Variants in UBTD1 observed in about 807,000 individuals in gnomAD.
UBTD1 encodes ubiquitin domain-containing protein 1.
In UBTD1, 19 loss-of-function variants were observed where a neutral mutation model predicts 21.7. That is an observed-to-expected ratio of 0.87 (90% CI 0.61 to 1.28). The LOEUF is 1.28. Among genes scored for constraint, UBTD1 ranks in the 50% most tolerant of loss-of-function variants. The pLI is 0.00. For missense variants in UBTD1, 282 were observed against 315.1 expected (o/e 0.89, Z 0.80); for synonymous variants, 116 against 135.1 (o/e 0.86, Z 0.98).
intron 1 of UBTD1, among the ~76,000 whole-genome samples, chr10:97,555,926 GTC>G (rs1015858641): frequency 3.3e-5 from 5 of 152,042 alleles, no homozygotes; most frequent in African/African-American, 1.2e-4. Flanking sequence ...ATATGAGAGG[GTC>G]TCTCTCTTCC....
intron 1 of UBTD1, among the ~76,000 whole-genome samples, chr10:97,533,000 T>A (rs897774667): frequency 5.9e-5 from 9 of 152,168 alleles, no homozygotes; most frequent in African/African-American, 1.9e-4. Context: ...GGAGGAGTGC[T>A]TTGCATCCAC....
intron 1 of UBTD1, among the ~76,000 whole-genome samples, chr10:97,509,495 A>G (rs906156704): frequency 1.3e-5 from 2 of 152,186 alleles, no homozygotes; most frequent in Non-Finnish European, 2.9e-5. Flanking sequence ...TGTTCCACTG[A>G]TGACTTATAT....
At chr10:97,519,285 C>T (rs2040457243) in intron 1 of UBTD1, among the ~76,000 whole-genome samples, 1 of 152,216 alleles carries the variant, frequency 6.6e-6, no homozygotes, top group Non-Finnish European at 1.5e-5. Context: ...CTTGGAGTCC[C>T]CCTACCAGCA....
intron 1 of UBTD1, among the ~76,000 whole-genome samples, chr10:97,557,121 G>T (rs1390337811): frequency 6.6e-6 from 1 of 152,122 alleles, no homozygotes; most frequent in African/African-American, 2.4e-5. Flanking sequence ...CTCCTGTTAC[G>T]GTTCCAACAC....
chr10:97,517,278 A>T (rs1040909921), intron 1 of UBTD1, among the ~76,000 whole-genome samples: 8 of 151,854 alleles, frequency 5.3e-5, no homozygotes, highest in Non-Finnish European at 1.2e-4. Context: ...AAGGAGAGAG[A>T]TGGGCAGCTA....
chr10:97,537,897 C>T (rs1317680334), intron 1 of UBTD1, among the ~76,000 whole-genome samples: 4 of 150,998 alleles, frequency 2.6e-5, no homozygotes, highest in Non-Finnish European at 5.9e-5. Context: ...ATGATCTCAC[C>T]CCACTGCAAC....
At chr10:97,559,002 G>T (rs139435157) in intron 1 of UBTD1, among the ~76,000 whole-genome samples, 4,770 of 152,252 alleles carry the variant, frequency 0.031, 218 homozygotes, top group African/African-American at 0.099. Context: ...ATACCACCAC[G>T]CATCCGCTCG....
intron 1 of UBTD1, among the ~76,000 whole-genome samples, chr10:97,503,206 A>G (rs2040384958): frequency 6.6e-6 from 1 of 152,178 alleles, no homozygotes; most frequent in Non-Finnish European, 1.5e-5. Flanking sequence ...GTGAGCCGCC[A>G]CACCCAGCCT....
At chr10:97,558,586 A>G (rs1403691413) in intron 1 of UBTD1, among the ~76,000 whole-genome samples, 2 of 151,840 alleles carry the variant, frequency 1.3e-5, no homozygotes, top group Non-Finnish European at 2.9e-5. Flanking sequence ...TCTGACACAT[A>G]GAGTGTAAAG....
intron 1 of UBTD1, among the ~76,000 whole-genome samples, chr10:97,563,528 G>A (rs2040703256): frequency 6.6e-6 from 1 of 152,054 alleles, no homozygotes; most frequent in South Asian, 2.1e-4. Context: ...GAGAATGGGG[G>A]CAAGTATAAG....
intron 1 of UBTD1, among the ~76,000 whole-genome samples, chr10:97,519,868 G>A (rs1472754407): frequency 6.6e-6 from 1 of 152,090 alleles, no homozygotes; most frequent in South Asian, 2.1e-4. Flanking sequence ...CTGTCATTCT[G>A]TCTCCCACAG....
At chr10:97,564,171 G>A (rs1273204854) in intron 1 of UBTD1, among the ~76,000 whole-genome samples, 1 of 152,170 alleles carries the variant, frequency 6.6e-6, no homozygotes, top group Non-Finnish European at 1.5e-5. Context: ...GGAATCTGAA[G>A]TAGGCAAGAG....
At chr10:97,511,929 TTGAGACACTTGCTCA>T (rs940545180) in intron 1 of UBTD1, among the ~76,000 whole-genome samples, 15 of 152,134 alleles carry the variant, frequency 9.9e-5, no homozygotes, top group Non-Finnish European at 1.5e-5. Flanking sequence ...GGGGGGAGTG[TTGAGACACTTGCTCA>T]TGAGAGTGGA....
At chr10:97,536,125 T>C (rs983792276) in intron 1 of UBTD1, among the ~76,000 whole-genome samples, 26 of 151,898 alleles carry the variant, frequency 1.7e-4, no homozygotes, top group Admixed American at 2.6e-4. Context: ...CCCAAGTAGC[T>C]GGGATTACAG....
chr10:97,526,728 GTAGTCCCAGCTACTT>G (rs2040490180), intron 1 of UBTD1, among the ~76,000 whole-genome samples: 1 of 151,866 alleles, frequency 6.6e-6, no homozygotes, highest in Admixed American at 6.6e-5. Context: ...GCATGCACCG[GTAGTCCCAGCTACTT>G]GGGAGGCTGA....
intron 1 of UBTD1, among the ~76,000 whole-genome samples, chr10:97,540,374 C>T (rs937711675): frequency 6.6e-6 from 1 of 152,246 alleles, no homozygotes; most frequent in Admixed American, 6.5e-5. Flanking sequence ...ACCTACCAGT[C>T]CCCTGACACT....
In UBTD1 at chr10:97,537,202, G is replaced by A. The variant is rs116572410; in HGVS notation, c.71-30712G>A. Among the ~76,000 whole-genome samples the A allele has an allele frequency of 4.1e-3, 623 of 152,286 alleles. 9 individuals carry two copies. The highest frequency in any genetic ancestry group is 0.014 in the African/African-American group (590 of 41,552). On this transcript the variant is annotated intron_variant, in intron 1 of 2. Transcript: ENST00000370664. ...AACACAGTGGGTACGCAGGAATTGT[G>A]TGTTGAAATGAATCTAGGCCATGAC...
intron 1 of UBTD1, among the ~76,000 whole-genome samples, chr10:97,558,759 T>C (rs1261248880): frequency 2.6e-5 from 4 of 152,220 alleles, no homozygotes; most frequent in Admixed American, 2.6e-4. Context: ...ATCTTTTAAC[T>C]ATTTGATTTT....
intron 1 of UBTD1, among the ~76,000 whole-genome samples, chr10:97,545,459 G>A (rs1450020285): frequency 6.6e-6 from 1 of 151,756 alleles, no homozygotes; most frequent in African/African-American, 2.4e-5. Flanking sequence ...TCTTAAGCAA[G>A]AGCCTTGTGG....
Sources: gnomAD v4.1 joint callset for allele counts (sites outside exome capture counted in the v4.1 genomes callset) on GRCh38, gnomAD v4.1.1 for gene constraint, MANE v1.5 for transcripts, NCBI Gene and HGNC (gene_info 2026-07-23, HGNC 2026-07-21) for gene names.